PLD5: variants seen among roughly 807,000 people sequenced by gnomAD.
PLD5 encodes the protein inactive phospholipase D5.
Under a neutral mutation model 61.1 loss-of-function variants are expected in PLD5, and 36 were observed. That is an observed-to-expected ratio of 0.59 (90% CI 0.45 to 0.78). PLD5 has a LOEUF of 0.78. Among genes scored for constraint, PLD5 ranks in the 30% least tolerant of loss-of-function variants. The pLI is 0.00. For missense variants in PLD5, 515 were observed against 644.4 expected, an observed-to-expected ratio of 0.80 and a Z score of 2.17; for synonymous variants, 243 against 242.8, an observed-to-expected ratio of 1.00 and a Z score of -0.01.
intron 1 of PLD5, among the ~76,000 whole-genome samples, chr1:242,515,207 T>C (rs1669065392): frequency 6.6e-6 from 1 of 151,732 alleles, no homozygotes; most frequent in Non-Finnish European, 1.5e-5. Flanking sequence ...TGCGTGTGTG[T>C]GTGTGTGTGT....
chr1:242,340,119 G>C (rs371468025), intron 2 of PLD5, among the ~76,000 whole-genome samples: 166 of 152,218 alleles, frequency 1.1e-3, no homozygotes, highest in African/African-American at 3.5e-3. Context: ...AAAATAAAAG[G>C]CTCTAGAGAC....
chr1:242,192,726 T>C (rs316823), intron 5 of PLD5, among the ~76,000 whole-genome samples: 128,548 of 152,102 alleles, frequency 0.85, 54,771 homozygotes, highest in African/African-American at 0.95. Flanking sequence ...TCCTGAAGTA[T>C]TGAAGATGTT....
At chr1:242,333,819 C>A (rs1211987219) in intron 2 of PLD5, among the ~76,000 whole-genome samples, 1 of 152,118 alleles carries the variant, frequency 6.6e-6, no homozygotes, top group Non-Finnish European at 1.5e-5. Context: ...CAGGAAATTA[C>A]AGGATTTCAT....
intron 4 of PLD5, among the ~76,000 whole-genome samples, chr1:242,262,276 C>T (rs1456715333): frequency 2.0e-5 from 3 of 152,104 alleles, no homozygotes; most frequent in Admixed American, 6.5e-5. Context: ...TGGTAGAGGT[C>T]GAAATAGTGG....
At chr1:242,360,729 G>A (rs1453668467) in intron 1 of PLD5, among the ~76,000 whole-genome samples, 3 of 151,904 alleles carry the variant, frequency 2.0e-5, no homozygotes, top group Non-Finnish European at 2.9e-5. Flanking sequence ...ATTCTAATAC[G>A]TGGTCATATC....
chr1:242,405,018 T>G (rs1014071590), intron 1 of PLD5, among the ~76,000 whole-genome samples: 9 of 151,580 alleles, frequency 5.9e-5, no homozygotes, highest in Non-Finnish European at 1.3e-4. Flanking sequence ...TAACTGGGAT[T>G]ACAGGTGTGC....
At chr1:242,527,273 G>A (rs1404176350), upstream of PLD5, among the ~76,000 whole-genome samples, 2 of 151,474 alleles carry the variant, frequency 1.3e-5, no homozygotes, top group Non-Finnish European at 1.5e-5. Context: ...TGGAATTATA[G>A]GCATGCACTA....
intron 4 of PLD5, among the ~76,000 whole-genome samples, chr1:242,227,835 T>G (rs1326670925): frequency 6.6e-6 from 1 of 152,200 alleles, no homozygotes; most frequent in Non-Finnish European, 1.5e-5. Flanking sequence ...ACTTAAAAAT[T>G]CCCAGACTCA....
At chr1:242,177,204 G>A (rs1454809019) in intron 5 of PLD5, among the ~76,000 whole-genome samples, 2 of 152,156 alleles carry the variant, frequency 1.3e-5, no homozygotes, top group Non-Finnish European at 2.9e-5. Context: ...AGAAAATGTG[G>A]CACATATATA....
At chr1:242,460,305 C>T (rs12071068) in intron 1 of PLD5, among the ~76,000 whole-genome samples, 3,265 of 152,188 alleles carry the variant, frequency 0.021, 113 homozygotes, top group African/African-American at 0.074. Flanking sequence ...GTTGGCACCA[C>T]GGGACCAGAG....
Position 242,375,281 on chromosome 1 carries a change from G to A in PLD5, c.190-27039C>T, listed in dbSNP as rs556061449. Among the ~76,000 whole-genome samples the A allele has an allele frequency of 5.3e-5, 8 of 152,248 alleles. No homozygotes were observed. The South Asian group carries it at 6.2e-4, about 12-fold the overall frequency. On this transcript the variant is annotated intron_variant, in intron 1 of 9. Transcript: ENST00000536534. Reference sequence around the variant, plus strand: ...CACTGTGCAGTCAGTCAGCCGTGCCGTCTGCCTCATTTTAAAGTCCCCCCA... The same window carrying A: ...CACTGTGCAGTCAGTCAGCCGTGCCATCTGCCTCATTTTAAAGTCCCCCCA...
intron 2 of PLD5, among the ~76,000 whole-genome samples, chr1:242,324,031 A>G (rs1167916808): frequency 1.3e-5 from 2 of 151,956 alleles, no homozygotes; most frequent in African/African-American, 4.8e-5. Flanking sequence ...AAGCATCAAA[A>G]TCTTTATCTT....
At chr1:242,345,395 T>A (rs545789516) in intron 2 of PLD5, among the ~76,000 whole-genome samples, 1 of 152,286 alleles carries the variant, frequency 6.6e-6, no homozygotes, top group Admixed American at 6.5e-5. Context: ...TGCTGGCAGG[T>A]AGGTGTGAGG....
intron 1 of PLD5, among the ~76,000 whole-genome samples, chr1:242,391,835 A>C (rs1047271530): frequency 5.3e-5 from 8 of 152,130 alleles, no homozygotes; most frequent in African/African-American, 1.9e-4. Flanking sequence ...GAATACTAAA[A>C]CATACAAAAG....
At chr1:242,286,654 T>C (rs1675042683) in intron 3 of PLD5, among the ~76,000 whole-genome samples, 2 of 152,238 alleles carry the variant, frequency 1.3e-5, no homozygotes, top group Non-Finnish European at 2.9e-5. Flanking sequence ...TATCATTCTT[T>C]GTCTAAAAAG....
At chr1:242,126,996 A>G (rs922090789) in intron 5 of PLD5, among the ~76,000 whole-genome samples, 3 of 152,182 alleles carry the variant, frequency 2.0e-5, no homozygotes, top group African/African-American at 4.8e-5. Flanking sequence ...GGCTAAGGAC[A>G]TGGGTAGACA....
At chr1:242,144,185 TAA>T (rs61583043) in intron 5 of PLD5, among the ~76,000 whole-genome samples, 1 of 122,798 alleles carries the variant, frequency 8.1e-6, no homozygotes, top group Non-Finnish European at 1.8e-5. Flanking sequence ...TTTATTTTTT[TAA>T]AAAATATTAT....
chr1:242,470,463 C>G (rs1379593558), intron 1 of PLD5, among the ~76,000 whole-genome samples: 5 of 152,010 alleles, frequency 3.3e-5, no homozygotes, highest in Admixed American at 6.6e-5. Flanking sequence ...CTTATTTAAC[C>G]GGGTGGATTT....
At chr1:242,195,695 G>A (rs1475366236) in intron 5 of PLD5, among the ~76,000 whole-genome samples, 1 of 152,188 alleles carries the variant, frequency 6.6e-6, no homozygotes, top group East Asian at 1.9e-4. Context: ...AGGGAGGCTT[G>A]CATCTGGGGA....
Sources: allele counts gnomAD v4.1 joint callset (sites outside exome capture counted in the v4.1 genomes callset), GRCh38; gene constraint gnomAD v4.1.1; transcripts MANE v1.5; gene names NCBI Gene and HGNC (gene_info 2026-07-23, HGNC 2026-07-21).